The following TRIP12 variants were observed in gnomAD, a reference collection of about 807,000 sequenced individuals.
The protein encoded by TRIP12 is thyroid hormone receptor interactor 12.
In TRIP12, 25 loss-of-function variants were observed where a neutral mutation model predicts 244.2. That is an observed-to-expected ratio of 0.10 (90% CI 0.07 to 0.14). The LOEUF is 0.14. Ranked by LOEUF, TRIP12 falls within the 10% of genes least tolerant of loss-of-function variation. TRIP12 has a pLI of 1.00. For synonymous variants in TRIP12, 905 were observed against 873.1 expected (o/e 1.04, Z -0.64); for missense variants, 1,677 against 2,486.4 (o/e 0.67, Z 6.92).
At chr2:229,776,731 A>G (rs376459596) in intron 37 of TRIP12, among the ~76,000 whole-genome samples, 14 of 152,324 alleles carry the variant, frequency 9.2e-5, no homozygotes, top group South Asian at 4.1e-4. Flanking sequence ...TTCTTCTAAT[A>G]GCAGATACAG....
chr2:229,879,291 G>A (rs144458008), intron 2 of TRIP12, among the ~76,000 whole-genome samples: 6 of 152,244 alleles, frequency 3.9e-5, no homozygotes, highest in East Asian at 1.9e-4. Flanking sequence ...CAAGCTAAAC[G>A]TAATCAATGT....
At chr2:229,922,727 C>T (rs1364533532), upstream of TRIP12, 3 of 999,284 alleles carry the variant, frequency 3.0e-6, no homozygotes, top group Non-Finnish European at 2.9e-6. Context: ...CGCCCAGTCC[C>T]GGCTCCGCGC....
At chr2:229,882,546 C>T (rs1185146942) in intron 1 of TRIP12, among the ~76,000 whole-genome samples, 3 of 151,974 alleles carry the variant, frequency 2.0e-5, no homozygotes, top group Non-Finnish European at 2.9e-5. Context: ...GAATAAAAGG[C>T]CAGTCTTTTT....
At chr2:229,887,266 A>G (rs1319170299) in intron 1 of TRIP12, among the ~76,000 whole-genome samples, 1 of 152,242 alleles carries the variant, frequency 6.6e-6, no homozygotes, top group African/African-American at 2.4e-5. Flanking sequence ...TACTCTAAAC[A>G]AAGAAGAAAA....
intron 1 of TRIP12, among the ~76,000 whole-genome samples, chr2:229,901,634 A>AAAG (rs2070892515): frequency 1.3e-5 from 2 of 150,644 alleles, no homozygotes; most frequent in Non-Finnish European, 3.0e-5. Context: ...AAAAAAAAAA[A>AAAG]TGAGAACCGA....
chr2:229,839,554 C>T, intron 5 of TRIP12, among the ~76,000 whole-genome samples: 1 of 151,878 alleles, frequency 6.6e-6, no homozygotes, highest in South Asian at 2.1e-4. Flanking sequence ...TGGCGGGCGC[C>T]TATAGTCCCA....
intron 1 of TRIP12, among the ~76,000 whole-genome samples, chr2:229,908,843 G>C (rs1037043971): frequency 2.0e-5 from 3 of 152,114 alleles, no homozygotes; most frequent in Non-Finnish European, 4.4e-5. Context: ...TGTAATCCCA[G>C]CATTCTGGGA....
chr2:229,804,252 G>A lies in TRIP12; in HGVS notation c.2651-25C>T, dbSNP rs4972915. 1,221,438 of 1,567,376 alleles carry A rather than the reference G, an allele frequency of 0.78. 477,352 individuals are homozygous for A. The highest frequency in any genetic ancestry group is 0.89 in the African/African-American group (65,036 of 73,326). ...CCTATTACATTAAAAAAAAATATATGTGCAATCCTGAAGTGACAGACTTCA... is the reference window on the plus strand; with the variant it reads ...CCTATTACATTAAAAAAAAATATATATGCAATCCTGAAGTGACAGACTTCA... On this transcript the variant is annotated intron_variant, in intron 18 of 41. Coordinates refer to ENST00000675903, the MANE Select transcript of TRIP12 (RefSeq NM_001348323.3).
intron 40 of TRIP12, among the ~76,000 whole-genome samples, chr2:229,768,997 C>T (rs534765912): frequency 6.6e-6 from 1 of 152,128 alleles, no homozygotes; most frequent in East Asian, 1.9e-4. Flanking sequence ...CTGTCTTCCC[C>T]AACCCCTAGT....
chr2:229,830,864 G>A lies in TRIP12; in HGVS notation c.1271-25C>T, dbSNP rs373147558. ...GCTTGGGGTGGAGGGGAAAGATGAG[G>A]GTTAGGAGGAGCACTTAAACACATT... On this transcript the variant is annotated intron_variant, in intron 6 of 41. Coordinates refer to ENST00000675903, the MANE Select transcript of TRIP12 (RefSeq NM_001348323.3). 2.5e-6 allele frequency: 4 copies of A among 1,609,810 alleles called. No homozygotes were observed. The African/African-American group carries it at 5.4e-5, about 22-fold the overall frequency.
intron 21 of TRIP12, among the ~76,000 whole-genome samples, 186 bp downstream of exon 21, chr2:229,802,066 T>C (rs2044522256): frequency 6.6e-6 from 1 of 152,218 alleles, no homozygotes; most frequent in African/African-American, 2.4e-5. Context: ...TTACAGTTCC[T>C]AAACACAGCC....
At chr2:229,911,510 T>C (rs1404626924) in intron 1 of TRIP12, among the ~76,000 whole-genome samples, 1 of 152,224 alleles carries the variant, frequency 6.6e-6, no homozygotes, top group African/African-American at 2.4e-5. Flanking sequence ...AGGAAGAGTA[T>C]GTTCTCCTGT....
Position 229,842,971 on chromosome 2 carries a change from C to T in TRIP12, c.1028-2044G>A, listed in dbSNP as rs79766775. Among the ~76,000 whole-genome samples, 218 of 152,138 alleles carry T rather than the reference C, an allele frequency of 1.4e-3. 5 individuals carry two copies. In the East Asian group the frequency reaches 0.037, roughly 26 times the overall value. On this transcript the variant is annotated intron_variant, in intron 4 of 41. Coordinates refer to ENST00000675903, the MANE Select transcript of TRIP12 (RefSeq NM_001348323.3). ...GTATTTACCCATATAACCAGCATCA[C>T]CATTAAGACACAAACATTTCCATTA... is the stretch of plus-strand genomic sequence containing the variant.
intron 1 of TRIP12, among the ~76,000 whole-genome samples, chr2:229,912,201 CAAG>C (rs1431790533): frequency 6.6e-6 from 1 of 152,138 alleles, no homozygotes; most frequent in East Asian, 1.9e-4. Context: ...CAGGAAAAAA[CAAG>C]AAGTTTTACC....
chr2:229,860,304 T>C (rs2060255129), intron 3 of TRIP12, 102 bp downstream of exon 3: 2 of 1,391,128 alleles, frequency 1.4e-6, no homozygotes, highest in East Asian at 4.7e-5. Flanking sequence ...AATGAAAATA[T>C]GTATCAAAAC....
Position 229,796,621 on chromosome 2 carries a change from C to A in TRIP12, c.3786G>T (p.Lys1262Asn). The change falls in exon 25 of 42, where the codon AAG becomes AAT. Residue 1262 changes from lysine (K) to asparagine (N), a missense_variant. Physicochemically the swap from Lys to Asn is moderately conservative, Grantham distance 94. Around this residue, in one of 11 missense-constraint regions of TRIP12, gnomAD observed 77 missense variants for 69.2 expected, o/e 1.11. Coordinates refer to ENST00000675903, the MANE Select transcript of TRIP12 (RefSeq NM_001348323.3). The stretch of plus-strand genomic sequence containing the variant: ...AAGAAAAAAATACATGAAGAAATCG[C>A]TTTAATCTGATCTCTCTGCTCACAG... ...KDAVSREIRLKRFLHVFFSSP... is the reference protein window; with the variant it reads ...KDAVSREIRLNRFLHVFFSSP... 6.3e-7 allele frequency: 1 copy of A among 1,599,054 alleles called. No individual in the cohort carries two copies. Among genetic ancestry groups the A allele is most frequent in the Non-Finnish European group, 8.5e-7 (1 of 1,176,254 alleles).
At chr2:229,826,491 G>T (rs768949535) in intron 8 of TRIP12, among the ~76,000 whole-genome samples, 1 of 150,876 alleles carries the variant, frequency 6.6e-6, no homozygotes, top group Non-Finnish European at 1.5e-5. Context: ...TAAAGTGACT[G>T]TGTGTTTTGA....
rs1480495759 is a variant in TRIP12 at position 229,915,526 on chromosome 2, A to AATT, written c.-50+6353_-50+6354insAAT. ...ATCTTATTTTATTTTCACAAGACTT[A>AATT]TTCTGTCAACAAACGCTTAATCCCT... On this transcript the variant is annotated intron_variant, in intron 1 of 41. Coordinates refer to ENST00000675903, the MANE Select transcript of TRIP12 (RefSeq NM_001348323.3). 6.0e-3 allele frequency among the ~76,000 whole-genome samples: 915 copies of AATT among 152,244 alleles called. 6 individuals are homozygous for AATT. Among genetic ancestry groups the AATT allele is most frequent in the African/African-American group, 0.021 (860 of 41,546 alleles).
chr2:229,785,813 C>A lies in TRIP12; in HGVS notation c.5038G>T (p.Val1680Leu). 1.2e-6 allele frequency: 2 copies of A among 1,613,840 alleles called. No homozygotes were observed. The highest frequency in any genetic ancestry group is 2.2e-5 in the South Asian group (2 of 91,038). ...CGTGAGCTGCCGAGGTCCTGCATCACAGACTCCGCCTGTTTCAGCAGCTCC... is the reference window on the plus strand; with the variant it reads ...CGTGAGCTGCCGAGGTCCTGCATCAAAGACTCCGCCTGTTTCAGCAGCTCC... Reference protein sequence around the residue: ...REELLKQAESVMQDLGSSRAM... With the variant: ...REELLKQAESLMQDLGSSRAM... Residue 1680 changes from valine to leucine, a missense_variant, in exon 34 of 42, where the codon GTG becomes TTG. Val to Leu is a conservative substitution (Grantham distance 32). Coordinates refer to ENST00000675903, the MANE Select transcript of TRIP12 (RefSeq NM_001348323.3).
Sources: allele counts gnomAD v4.1 joint callset (sites outside exome capture counted in the v4.1 genomes callset), GRCh38; gene constraint gnomAD v4.1.1; regional missense constraint gnomAD v4.1.1; transcripts MANE v1.5; gene names NCBI Gene and HGNC (gene_info 2026-07-23, HGNC 2026-07-21).